The following SPG11 variants were observed in gnomAD, a reference collection of about 807,000 sequenced individuals.
The protein encoded by SPG11 is SPG11 vesicle trafficking associated, spatacsin, also known as spatacsin.
A neutral mutation model predicts 274.0 loss-of-function variants in SPG11; 222 were observed. That is an observed-to-expected ratio of 0.81 (90% CI 0.73 to 0.91). The LOEUF is 0.91. SPG11 is among the 40% of genes least tolerant of loss of function. SPG11 has a pLI of 0.00. For missense variants in SPG11, 3,114 were observed against 2,872.7 expected (o/e 1.08, Z -1.92); for synonymous variants, 1,144 against 1,039.7 (o/e 1.10, Z -1.93).
rs1291417230 is a variant in SPG11 at position 44,641,387 on chromosome 15, G to T, written c.1602+7479C>A. 2.6e-5 allele frequency among the ~76,000 whole-genome samples: 4 copies of T among 151,802 alleles called. No individual in the cohort carries two copies. The South Asian group carries it at 6.2e-4, about 24-fold the overall frequency. ...ATTAATTAAATTCCATTAAAATTAAGAACTATATTAAAGATTCCACGAATT... is the reference window on the plus strand; with the variant it reads ...ATTAATTAAATTCCATTAAAATTAATAACTATATTAAAGATTCCACGAATT... On this transcript the variant is annotated intron_variant, in intron 7 of 39. Coordinates refer to ENST00000261866, the MANE Select transcript of SPG11 (RefSeq NM_025137.4).
At chr15:44,610,094 G>A (rs1224314261) in intron 18 of SPG11, among the ~76,000 whole-genome samples, 1 of 151,718 alleles carries the variant, frequency 6.6e-6, no homozygotes, top group Non-Finnish European at 1.5e-5. Flanking sequence ...GTAGAGACGG[G>A]GTTTCAGCAT....
chr15:44,660,642 A>G, intron 1 of SPG11, 26 bp from the exon 2 acceptor site: 3 of 1,605,882 alleles, frequency 1.9e-6, no homozygotes, highest in East Asian at 4.5e-5. Flanking sequence ...TAGATTTATT[A>G]TATTCTATAT....
rs756261613 is a variant in SPG11 at position 44,628,782 on chromosome 15, T to A, written c.1954A>T (p.Thr652Ser). Residue 652 changes from threonine (T) to serine (S), a missense_variant, in exon 10 of 40, where the codon ACC becomes TCC. By Grantham distance (58) the Thr-to-Ser change is moderately conservative. Coordinates refer to ENST00000261866, the MANE Select transcript of SPG11 (RefSeq NM_025137.4). Reference sequence around the variant, plus strand: ...TTCCAAGGAAACTTTATCATGAAGGTTCGAAGTTCATTAATGTAGCTAGTC... The same window carrying A: ...TTCCAAGGAAACTTTATCATGAAGGATCGAAGTTCATTAATGTAGCTAGTC... ...ILTSYINELR[T>S]FMIKFPWKLT... is the part of the protein sequence containing the mutation. 2 of 1,613,792 alleles carry A rather than the reference T, an allele frequency of 1.2e-6. No individual in the cohort carries two copies. The highest frequency in any genetic ancestry group is 4.5e-5 in the East Asian group (2 of 44,846).
At chr15:44,622,106 C>T in intron 13 of SPG11, 114 bp downstream of exon 13, 1 of 1,306,300 alleles carries the variant, frequency 7.7e-7, no homozygotes, top group South Asian at 1.3e-5. Context: ...AGTTTTATCT[C>T]CAAGGAGAAT....
intron 1 of SPG11, among the ~76,000 whole-genome samples, chr15:44,663,163 CG>C (rs2085167273): frequency 6.6e-6 from 1 of 152,258 alleles, no homozygotes; most frequent in Non-Finnish European, 1.5e-5. Context: ...TCCGCCCACC[CG>C]GAACAGGAGA....
chr15:44,629,517 C>G, intron 8 of SPG11, 129 bp from the exon 9 acceptor site: 1 of 1,036,906 alleles, frequency 9.6e-7, no homozygotes, highest in Non-Finnish European at 1.4e-6. Context: ...TTTCAAAAAG[C>G]TCACAAAACT....
At chr15:44,632,973 A>G (rs1296757911) in intron 8 of SPG11, among the ~76,000 whole-genome samples, 7 of 152,208 alleles carry the variant, frequency 4.6e-5, no homozygotes, top group Non-Finnish European at 1.0e-4. Context: ...ATAAAAATAC[A>G]GAGTACAGTA....
In SPG11 at chr15:44,663,444, CA is replaced by C; in HGVS notation, c.203del (p.Leu68Ter). 6.2e-7 allele frequency: 1 copy of C among 1,602,656 alleles called. No individual in the cohort carries two copies. Among genetic ancestry groups the C allele is most frequent in the African/African-American group, 1.3e-5 (1 of 74,782 alleles). ...TAAGSLQVLS[L>X]TPGSRGGGRC... is the part of the protein sequence containing the mutation. ...GACCCCCGCCCCGGCTGCCAGGCGT[CA>C]AAGAAAGCACTTGGAGGCTGCCCGC... On this transcript the variant is annotated frameshift_variant, in exon 1 of 40. Coordinates refer to ENST00000261866, the MANE Select transcript of SPG11 (RefSeq NM_025137.4). LOFTEE classifies it high-confidence loss of function.
At chr15:44,566,410 T>A in intron 36 of SPG11, 105 bp from the exon 37 acceptor site, 1 of 1,148,672 alleles carries the variant, frequency 8.7e-7, no homozygotes, top group East Asian at 2.5e-5. Context: ...CCAGCCATGT[T>A]CACAGGCAGG....
intron 38 of SPG11, 123 bp downstream of exon 38, chr15:44,565,731 A>C: frequency 8.0e-7 from 1 of 1,242,980 alleles, no homozygotes; most frequent in Non-Finnish European, 1.2e-6. Context: ...TCAGAGAGTT[A>C]AATCAGAACT....
chr15:44,629,108 C>A (rs2083984347), intron 9 of SPG11, 125 bp downstream of exon 9: 11 of 1,164,250 alleles, frequency 9.4e-6, no homozygotes, highest in Middle Eastern at 2.0e-4. Flanking sequence ...CAACTACACA[C>A]TGACCTTACC....
At chr15:44,634,667 A>G (rs2084185688) in intron 7 of SPG11, among the ~76,000 whole-genome samples, 1 of 151,610 alleles carries the variant, frequency 6.6e-6, no homozygotes, top group Admixed American at 6.6e-5. Context: ...GCTCACTGCA[A>G]TCTCCGCCTC....
Position 44,584,165 on chromosome 15 carries a change from T to G in SPG11, c.5515A>C (p.Ser1839Arg). 4 of 1,614,234 alleles carry G rather than the reference T, an allele frequency of 2.5e-6. No homozygotes were observed. The highest frequency in any genetic ancestry group is 3.4e-6 in the Non-Finnish European group (4 of 1,180,030). ...GCCAACTTGGAGAAGGAAAACTCAC[T>G]GGCTAAACTATCAAAGGAAAGTTCA... ...SGELSFDSLA[S>R]EFSFSKLAAL... Residue 1839 changes from serine to arginine, a missense_variant, in exon 30 of 40, where the codon AGT becomes CGT. Coordinates refer to ENST00000261866, the MANE Select transcript of SPG11 (RefSeq NM_025137.4).
chr15:44,616,207 C>CTTT (rs534285308), intron 15 of SPG11, among the ~76,000 whole-genome samples: 3 of 138,174 alleles, frequency 2.2e-5, no homozygotes, highest in African/African-American at 5.3e-5. Context: ...CATTCCCATA[C>CTTT]TTTTTTTTTT....
At chr15:44,597,341 AC>A (rs1411320669) in intron 23 of SPG11, among the ~76,000 whole-genome samples, 1 of 152,018 alleles carries the variant, frequency 6.6e-6, no homozygotes, top group Non-Finnish European at 1.5e-5. Flanking sequence ...TGAACTCCCA[AC>A]CTCAGGTGAT....
chr15:44,663,255 G>A, intron 1 of SPG11, 136 bp downstream of exon 1: 5 of 1,206,362 alleles, frequency 4.1e-6, no homozygotes, highest in Non-Finnish European at 3.5e-6. Context: ...CGCCTCTGGG[G>A]CGTTTCCTGC....
Position 44,626,428 on chromosome 15 carries a change from T to G in SPG11, c.2147A>C (p.Gln716Pro). 10 of 1,614,062 alleles carry G rather than the reference T, an allele frequency of 6.2e-6. No homozygotes were observed. Among genetic ancestry groups the G allele is most frequent in the Non-Finnish European group, 6.8e-6 (8 of 1,179,976 alleles). ...TFFRIDSHSA[Q>P]KLEELIGIGL... ...TATGCCAATAAGCTCCTCAAGTTTTTGAGCAGAATGACTATCAATCCTGAA... is the reference window on the plus strand; with the variant it reads ...TATGCCAATAAGCTCCTCAAGTTTTGGAGCAGAATGACTATCAATCCTGAA... The change falls in exon 11 of 40, where the codon CAA becomes CCA. Residue 716 changes from glutamine to proline, a missense_variant. By Grantham distance (76) the Gln-to-Pro change is moderately conservative. Transcript: ENST00000261866.
At chr15:44,623,184 A>G (rs1156242724) in intron 11 of SPG11, among the ~76,000 whole-genome samples, 1 of 152,104 alleles carries the variant, frequency 6.6e-6, no homozygotes, top group Non-Finnish European at 1.5e-5. Context: ...CCTAGGCTCA[A>G]GTGATCCTCC....
At chr15:44,570,771 G>C in intron 33 of SPG11, 113 bp from the exon 34 acceptor site, 1 of 1,413,054 alleles carries the variant, frequency 7.1e-7, no homozygotes, top group South Asian at 1.2e-5. Flanking sequence ...GTCTGGAGAG[G>C]GCCGTCCCAT....
Sources: gnomAD v4.1 joint callset for allele counts (sites outside exome capture counted in the v4.1 genomes callset) on GRCh38, gnomAD v4.1.1 for gene constraint, MANE v1.5 for transcripts, NCBI Gene and HGNC (gene_info 2026-07-23, HGNC 2026-07-21) for gene names.